FBXL13: variants seen among roughly 807,000 people sequenced by gnomAD.
FBXL13 encodes F-box and leucine rich repeat protein 13, also known as F-box and leucine-rich repeat protein 13.
In FBXL13, 67 loss-of-function variants were observed where a neutral mutation model predicts 83.6. That is an observed-to-expected ratio of 0.80 (90% CI 0.66 to 0.98). The LOEUF (loss-of-function observed/expected upper bound fraction) is 0.98, where lower values mean the gene tolerates loss of function less well. Among genes scored for constraint, FBXL13 ranks in the 50% least tolerant of loss-of-function variants. The pLI is 0.00. For synonymous variants in FBXL13, 272 were observed against 299.5 expected (o/e 0.91, Z 0.95); for missense variants, 822 against 866.5 (o/e 0.95, Z 0.64).
intron 17 of FBXL13, among the ~76,000 whole-genome samples, chr7:102,844,221 A>G (rs1803532018): frequency 6.6e-6 from 1 of 152,212 alleles, no homozygotes; most frequent in African/African-American, 2.4e-5. Context: ...TCATTTATTA[A>G]TTATCTTTTA....
rs759668325 is a variant in FBXL13 at position 102,975,924 on chromosome 7, C to G, written c.496-7807G>C. On this transcript the variant is annotated intron_variant, in intron 6 of 19. Transcript: ENST00000313221. ...CAGGCCATGGGGCCACAGCTCCACA[C>G]AGAAGCCTCCTAGCAATCCACCTCC... 3 of 763,978 alleles carry G rather than the reference C, an allele frequency of 3.9e-6. No individual in the cohort carries two copies. In the South Asian group the frequency reaches 4.0e-5, roughly 10 times the overall value. 47.3% of individuals were successfully genotyped at this position (763,978 alleles called of 1,614,324 possible).
chr7:102,916,827 T>G (rs1287014826), intron 10 of FBXL13, among the ~76,000 whole-genome samples: 3 of 152,096 alleles, frequency 2.0e-5, no homozygotes, highest in Non-Finnish European at 4.4e-5. Context: ...GTGATTTATT[T>G]ATTTATTTTT....
chr7:102,846,961 T>C (rs912536707), intron 17 of FBXL13, among the ~76,000 whole-genome samples: 1 of 152,216 alleles, frequency 6.6e-6, no homozygotes, highest in Non-Finnish European at 1.5e-5. Flanking sequence ...ATGGTGTTTA[T>C]ATATTTTGAA....
At chr7:102,854,408 T>C (rs190674359) in intron 17 of FBXL13, among the ~76,000 whole-genome samples, 2 of 152,212 alleles carry the variant, frequency 1.3e-5, no homozygotes, top group Admixed American at 1.3e-4. Context: ...CATTGGGAGA[T>C]ATACCTAATG....
chr7:102,857,836 GA>G (rs1806251731), intron 16 of FBXL13: 1 of 152,144 alleles, frequency 6.6e-6, no homozygotes, highest in Non-Finnish European at 1.5e-5. Context: ...AGAGAAAAGA[GA>G]ACTCCTATAC....
intron 6 of FBXL13, among the ~76,000 whole-genome samples, chr7:103,003,278 G>GGTT (rs1790600586): frequency 1.3e-5 from 1 of 75,914 alleles, no homozygotes; most frequent in Non-Finnish European, 2.4e-5. Flanking sequence ...TTGTTTTGGG[G>GGTT]TTTTTTTTTT....
downstream of FBXL13, among the ~76,000 whole-genome samples, chr7:102,811,653 G>T (rs115774170): frequency 0.012 from 1,894 of 152,312 alleles, 47 homozygotes; most frequent in African/African-American, 0.044. Flanking sequence ...CCTTTAGAAA[G>T]CAATTGCCTC....
At chr7:103,041,017 G>A (rs918628411) in intron 2 of FBXL13, among the ~76,000 whole-genome samples, 4 of 151,886 alleles carry the variant, frequency 2.6e-5, no homozygotes, top group African/African-American at 7.3e-5. Flanking sequence ...AAAACCCTTC[G>A]AAAAACCAAT....
At position 102,814,796 on chromosome 7, in the gene FBXL13, A is replaced by T. The variant is rs141884681; in HGVS notation, c.2019-1265T>A. ...AATGGTAAGTTTATTGTCAAAGATA[A>T]TGTTTTGCATTCTGTTAATTTTTTA... On this transcript the variant is annotated intron_variant, in intron 19 of 19. Transcript: ENST00000313221. 4.3e-3 allele frequency among the ~76,000 whole-genome samples: 653 copies of T among 152,312 alleles called. 6 individuals are homozygous for T. The highest frequency in any genetic ancestry group is 0.015 in the African/African-American group (626 of 41,580).
chr7:102,856,166 T>G (rs1806024607), intron 16 of FBXL13, among the ~76,000 whole-genome samples: 1 of 152,236 alleles, frequency 6.6e-6, no homozygotes, highest in Non-Finnish European at 1.5e-5. Flanking sequence ...CTGTGGATTC[T>G]TTTGCTAGGA....
intron 18 of FBXL13, among the ~76,000 whole-genome samples, chr7:102,826,726 T>C (rs111697169): frequency 0.017 from 269 of 15,902 alleles, 3 homozygotes; most frequent in African/African-American, 0.11. Flanking sequence ...CCCTGTCTCA[T>C]ATATATATAT....
intron 8 of FBXL13, chr7:102,934,631 A>G: frequency 6.2e-7 from 1 of 1,608,438 alleles, no homozygotes; most frequent in East Asian, 2.2e-5. Context: ...GGTGGACTCA[A>G]CTTTTTGCCA....
At chr7:102,972,670 T>A (rs981948439) in intron 6 of FBXL13, among the ~76,000 whole-genome samples, 18 of 151,656 alleles carry the variant, frequency 1.2e-4, no homozygotes, top group East Asian at 9.6e-4. Flanking sequence ...TTTTATTTTT[T>A]AAAAATTCAA....
intron 8 of FBXL13, among the ~76,000 whole-genome samples, chr7:102,940,304 G>T (rs920390520): frequency 1.1e-4 from 17 of 151,544 alleles, no homozygotes; most frequent in African/African-American, 4.1e-4. Context: ...CCGCCTCCCA[G>T]GTTCACGCCA....
rs184488524 is a variant in FBXL13, at chr7:102,922,768, C to G, written c.878+3506G>C. On this transcript the variant is annotated intron_variant, in intron 10 of 19. Transcript: ENST00000313221. Reference sequence around the variant, plus strand: ...CGGGCGGATCACGAGGTCAGGAGATCGAGACCATCCTGGCTAACACAGTGA... The same window carrying G: ...CGGGCGGATCACGAGGTCAGGAGATGGAGACCATCCTGGCTAACACAGTGA... Among the ~76,000 whole-genome samples the G allele has an allele frequency of 1.4e-3, 208 of 151,864 alleles. 1 individual carries two copies. Among genetic ancestry groups the G allele is most frequent in the Non-Finnish European group, 2.4e-3 (160 of 67,932 alleles).
chr7:102,899,395 T>C (rs1177251145), intron 11 of FBXL13, among the ~76,000 whole-genome samples: 1 of 152,212 alleles, frequency 6.6e-6, no homozygotes, highest in Non-Finnish European at 1.5e-5. Context: ...TCTTCAAACA[T>C]ATCATCTCTC....
At chr7:102,974,010 T>C (rs929531506) in intron 6 of FBXL13, among the ~76,000 whole-genome samples, 5 of 152,078 alleles carry the variant, frequency 3.3e-5, no homozygotes, top group Non-Finnish European at 7.4e-5. Context: ...GTCTCCTTTT[T>C]CCCTGTTTTC....
chr7:103,045,744 A>G (rs1028873057), intron 2 of FBXL13, among the ~76,000 whole-genome samples: 4 of 152,238 alleles, frequency 2.6e-5, no homozygotes, highest in Non-Finnish European at 5.9e-5. Context: ...AGTCCAAAAC[A>G]GTGGCCTCCC....
chr7:102,815,962 G>C (rs1797944926), intron 19 of FBXL13, among the ~76,000 whole-genome samples: 1 of 152,158 alleles, frequency 6.6e-6, no homozygotes, highest in Admixed American at 6.5e-5. Context: ...AACAGTGAGT[G>C]AACAGGGAGA....
Sources: gnomAD v4.1 joint callset for allele counts (sites outside exome capture counted in the v4.1 genomes callset) on GRCh38, gnomAD v4.1.1 for gene constraint, MANE v1.5 for transcripts, NCBI Gene and HGNC (gene_info 2026-07-23, HGNC 2026-07-21) for gene names.